Variants in MTCL1 observed in about 807,000 individuals in gnomAD.
The protein encoded by MTCL1 is microtubule crosslinking factor 1.
Under a neutral mutation model 141.4 loss-of-function variants are expected in MTCL1, and 79 were observed. The observed-to-expected ratio is 0.56, with a 90% CI of 0.47 to 0.67. The LOEUF is 0.67. Ranked by LOEUF, MTCL1 falls within the 30% of genes least tolerant of loss-of-function variation. The pLI, the probability that MTCL1 is intolerant of heterozygous loss-of-function variation, is 0.00. For missense variants in MTCL1, 2,177 were observed against 2,113.9 expected (o/e 1.03, Z -0.59); for synonymous variants, 914 against 875.8 (o/e 1.04, Z -0.77).
intron 7 of MTCL1, among the ~76,000 whole-genome samples, chr18:8,790,377 T>C (rs1241261546): frequency 6.6e-6 from 1 of 152,270 alleles, no homozygotes; most frequent in Non-Finnish European, 1.5e-5. Context: ...TTACACCTAA[T>C]AAAGCTTTTG....
In MTCL1 at chr18:8,786,099, T is replaced by C. The variant is rs747014365; in HGVS notation, c.1887+8T>C. On this transcript the variant is annotated splice_region_variant and intron_variant, in intron 7 of 16. Transcript: ENST00000359865. ...ACCTGCTTCAGCCTGGAGGTCAGCG[T>C]GGGCAAGCAATCCCCCCCCCCCGCC... 1 of 1,534,208 alleles carries C rather than the reference T, an allele frequency of 6.5e-7. No homozygotes were observed. The highest frequency in any genetic ancestry group is 8.8e-7 in the Non-Finnish European group (1 of 1,141,104).
chr18:8,783,809 C>T lies in MTCL1; in HGVS notation c.697C>T (p.Arg233Cys), dbSNP rs758581749. 29 of 1,613,150 alleles carry T rather than the reference C, an allele frequency of 1.8e-5. No individual in the cohort carries two copies. The highest frequency in any genetic ancestry group is 2.4e-5 in the Non-Finnish European group (28 of 1,179,972). ...GATCGTGGAGCTGGAGGTGGAGAAC[C>T]GTGGCCTCAAGGCAGAGATGGAGGA... The change falls in exon 6 of 17, where the codon CGT becomes TGT. Residue 233 changes from arginine (R) to cysteine (C), a missense_variant. Arg to Cys is a radical substitution (Grantham distance 180, BLOSUM62 -3). Transcript: ENST00000359865.
At chr18:8,829,247 T>C in intron 16 of MTCL1, 3 of 985,470 alleles carry the variant, frequency 3.0e-6, no homozygotes, top group Non-Finnish European at 3.6e-6. Context: ...CAATATGCTT[T>C]CAGAGAATTG....
chr18:8,718,722 G>A (rs1000767415), intron 3 of MTCL1, 74 bp downstream of exon 2: 5 of 1,347,818 alleles, frequency 3.7e-6, no homozygotes, highest in Non-Finnish European at 5.3e-6. Flanking sequence ...TTGCCCTGGT[G>A]TTTTTTCCCT....
At chr18:8,716,999 T>C (rs765531967), upstream of MTCL1, among the ~76,000 whole-genome samples, 1 of 152,210 alleles carries the variant, frequency 6.6e-6, no homozygotes, top group Non-Finnish European at 1.5e-5. Flanking sequence ...GCTGCAAGAC[T>C]GGAACAAAGC....
intron 4 of MTCL1, among the ~76,000 whole-genome samples, chr18:8,756,944 A>G (rs368181625): frequency 6.6e-6 from 1 of 152,220 alleles, no homozygotes; most frequent in East Asian, 1.9e-4. Flanking sequence ...ACACTTGCAA[A>G]GCAAAGGGCA....
intron 16 of MTCL1, chr18:8,829,793 T>C (rs1230916359): frequency 3.0e-6 from 3 of 985,142 alleles, no homozygotes; most frequent in Non-Finnish European, 2.4e-6. Flanking sequence ...CACCATGCCA[T>C]GCAGCGACCA....
chr18:8,774,186 T>C (rs1598595115), intron 4 of MTCL1, among the ~76,000 whole-genome samples: 1 of 152,298 alleles, frequency 6.6e-6, no homozygotes, highest in Non-Finnish European at 1.5e-5. Flanking sequence ...CTTCTGTTCT[T>C]GATGAGTTTT....
exon 3 of MTCL1, chr18:8,718,500 A>G (rs771078508): frequency 6.2e-7 from 1 of 1,614,246 alleles, no homozygotes; most frequent in Admixed American, 1.7e-5. Context: ...TACCAGCTGC[A>G]GGAACTTCGG....
intron 7 of MTCL1, among the ~76,000 whole-genome samples, chr18:8,788,758 A>T (rs765956157): frequency 6.6e-5 from 10 of 152,238 alleles, no homozygotes; most frequent in African/African-American, 2.4e-5. Context: ...TCTTATAAAC[A>T]GCCACAGCCA....
At chr18:8,812,212 G>T (rs1489905925) in intron 11 of MTCL1, among the ~76,000 whole-genome samples, 1 of 152,082 alleles carries the variant, frequency 6.6e-6, no homozygotes, top group African/African-American at 2.4e-5. Context: ...GTGCCTGTTG[G>T]TATATTCCTT....
At chr18:8,740,675 A>G (rs1567964598) in intron 4 of MTCL1, among the ~76,000 whole-genome samples, 1 of 152,018 alleles carries the variant, frequency 6.6e-6, no homozygotes, top group Admixed American at 6.6e-5. Context: ...TAGAGACAGG[A>G]TTTCACCATG....
chr18:8,806,513 G>T (rs1254509072), intron 10 of MTCL1, among the ~76,000 whole-genome samples: 1 of 152,244 alleles, frequency 6.6e-6, no homozygotes, highest in Non-Finnish European at 1.5e-5. Flanking sequence ...GGCAGCCCTG[G>T]CTTTGGGGTT....
intron 1 of MTCL1, among the ~76,000 whole-genome samples, chr18:8,710,645 A>C (rs2096083424): frequency 6.6e-6 from 1 of 151,360 alleles, no homozygotes; most frequent in African/African-American, 2.4e-5. Flanking sequence ...GGTGGTAATG[A>C]AATCATTGGA....
chr18:8,794,606 C>T (rs761225567), intron 8 of MTCL1, among the ~76,000 whole-genome samples: 1 of 152,200 alleles, frequency 6.6e-6, no homozygotes, highest in Non-Finnish European at 1.5e-5. Flanking sequence ...GCCAGTGAAG[C>T]TTGCCCAGCA....
At chr18:8,809,158 C>A (rs2076397402) in intron 11 of MTCL1, among the ~76,000 whole-genome samples, 1 of 152,144 alleles carries the variant, frequency 6.6e-6, no homozygotes, top group Non-Finnish European at 1.5e-5. Context: ...AGTTTAGATT[C>A]CCTTTTTCAA....
At chr18:8,715,382 T>C (rs1189335321), upstream of MTCL1, among the ~76,000 whole-genome samples, 1 of 152,182 alleles carries the variant, frequency 6.6e-6, no homozygotes, top group Non-Finnish European at 1.5e-5. Flanking sequence ...TTGCCGATAA[T>C]CCCAGGCATT....
At chr18:8,734,707 G>A (rs537154156) in intron 4 of MTCL1, among the ~76,000 whole-genome samples, 236 of 152,276 alleles carry the variant, frequency 1.5e-3, no homozygotes, top group African/African-American at 5.3e-3. Flanking sequence ...TGTACAGTGC[G>A]TGCCTGGGAT....
intron 4 of MTCL1, among the ~76,000 whole-genome samples, chr18:8,730,825 T>C (rs991331446): frequency 9.2e-5 from 14 of 152,252 alleles, no homozygotes; most frequent in African/African-American, 3.4e-4. Flanking sequence ...TCTCTCCTTC[T>C]CTAAGACAGC....
Sources: gnomAD v4.1 joint callset for allele counts (sites outside exome capture counted in the v4.1 genomes callset) on GRCh38, gnomAD v4.1.1 for gene constraint, MANE v1.5 for transcripts, NCBI Gene and HGNC (gene_info 2026-07-23, HGNC 2026-07-21) for gene names.